RMST: variants seen among roughly 807,000 people sequenced by gnomAD.
The protein encoded by RMST is rhabdomyosarcoma 2 associated transcript.
chr12:97,465,934 T>C (rs1342936035), intron 5 of RMST, among the ~76,000 whole-genome samples: 1 of 152,200 alleles, frequency 6.6e-6, no homozygotes, highest in Non-Finnish European at 1.5e-5. Flanking sequence ...TGCAAGCAGG[T>C]GCTCCCTCTG....
intron 5 of RMST, among the ~76,000 whole-genome samples, chr12:97,469,176 G>A (rs1046661404): frequency 2.2e-5 from 3 of 138,378 alleles, no homozygotes; most frequent in East Asian, 2.1e-4. Flanking sequence ...GTGTGTGTGT[G>A]TGTGTATGTG....
intron 5 of RMST, among the ~76,000 whole-genome samples, chr12:97,467,189 A>C (rs1322527367): frequency 6.6e-6 from 1 of 152,028 alleles, no homozygotes; most frequent in African/African-American, 2.4e-5. Flanking sequence ...TTCTTTATTA[A>C]ATAGGTAAGT....
chr12:97,543,269 T>G (rs942635090), intron 11 of RMST, among the ~76,000 whole-genome samples: 1 of 152,040 alleles, frequency 6.6e-6, no homozygotes, highest in Non-Finnish European at 1.5e-5. Flanking sequence ...CCAAGCCTTT[T>G]TGTCAAAAAC....
At chr12:97,505,098 A>T (rs1878521090) in intron 10 of RMST, among the ~76,000 whole-genome samples, 1 of 152,146 alleles carries the variant, frequency 6.6e-6, no homozygotes, top group South Asian at 2.1e-4. Context: ...TCTCTCTGGG[A>T]TTTATACTTT....
At chr12:97,492,075 T>G in intron 5 of RMST, 1 of 457,968 alleles carries the variant, frequency 2.2e-6, no homozygotes, top group Non-Finnish European at 4.7e-6. Context: ...GTGGTTAAGA[T>G]GCCTGCCTTT....
chr12:97,557,490 G>C (rs1565939980), intron 11 of RMST, among the ~76,000 whole-genome samples: 1 of 152,118 alleles, frequency 6.6e-6, no homozygotes, highest in Non-Finnish European at 1.5e-5. Flanking sequence ...TGGAGACTTA[G>C]CTATACCTAT....
At chr12:97,472,812 T>G (rs901822221) in intron 5 of RMST, among the ~76,000 whole-genome samples, 8 of 152,170 alleles carry the variant, frequency 5.3e-5, no homozygotes, top group African/African-American at 1.9e-4. Flanking sequence ...CTAAAATGGT[T>G]TTGCTTTGAC....
intron 11 of RMST, among the ~76,000 whole-genome samples, chr12:97,543,959 T>C: frequency 6.6e-6 from 1 of 152,058 alleles, no homozygotes; most frequent in Non-Finnish European, 1.5e-5. Context: ...AGCCCAGTGG[T>C]GCAAAGATAA....
intron 10 of RMST, among the ~76,000 whole-genome samples, chr12:97,506,257 C>A (rs985732199): frequency 1.3e-5 from 2 of 152,036 alleles, no homozygotes; most frequent in Non-Finnish European, 2.9e-5. Flanking sequence ...AGCTCAAAAC[C>A]CTATTTCTTT....
chr12:97,542,518 T>C lies in RMST; in HGVS notation n.1545+11659T>C, dbSNP rs1053810579. Among the ~76,000 whole-genome samples, 59 of 151,892 alleles carry C rather than the reference T, an allele frequency of 3.9e-4. 2 individuals are homozygous for C. The highest frequency in any genetic ancestry group is 5.9e-5 in the Non-Finnish European group (4 of 67,900). On this transcript the variant is annotated intron_variant and non_coding_transcript_variant, in intron 11 of 13. Transcript: ENST00000640149. ...GTGGTGTCTAGATCTAGCCATGTCT[T>C]TGTTCAATATATGCAGCCTGATGAA...
intron 10 of RMST, among the ~76,000 whole-genome samples, chr12:97,529,695 G>A (rs546841887): frequency 1.2e-4 from 19 of 152,098 alleles, no homozygotes; most frequent in Admixed American, 4.6e-4. Context: ...CTCCTCCATT[G>A]GATGCTACGC....
At chr12:97,560,217 C>T (rs955393482) in intron 11 of RMST, among the ~76,000 whole-genome samples, 3 of 152,134 alleles carry the variant, frequency 2.0e-5, no homozygotes, top group African/African-American at 7.2e-5. Context: ...TAGTAGGGAA[C>T]AAAACACGTT....
At chr12:97,524,768 A>G (rs1427288012) in intron 10 of RMST, among the ~76,000 whole-genome samples, 2 of 152,202 alleles carry the variant, frequency 1.3e-5, no homozygotes, top group Non-Finnish European at 2.9e-5. Context: ...AAGACAGACT[A>G]TTTGTTTCAA....
chr12:97,484,249 T>C (rs925089186), intron 5 of RMST, among the ~76,000 whole-genome samples: 2 of 152,210 alleles, frequency 1.3e-5, no homozygotes, highest in African/African-American at 4.8e-5. Flanking sequence ...GAGCTATGCC[T>C]GCACATGCAC....
Position 97,528,735 on chromosome 12 carries a change from A to G in RMST, n.1341-1920A>G, listed in dbSNP as rs147279127. 4.4e-4 allele frequency among the ~76,000 whole-genome samples: 67 copies of G among 152,278 alleles called. 1 individual carries two copies. In the East Asian group the frequency reaches 0.013, roughly 29 times the overall value. ...TGAATTTTTGTATCATTTAATTTTA[A>G]AAGTAAGTGAGTGGGCTGAGGAGGA... On this transcript the variant is annotated intron_variant and non_coding_transcript_variant, in intron 10 of 13. Transcript: ENST00000640149.
chr12:97,480,089 C>CTTTTTTTT (rs369247317), intron 5 of RMST, among the ~76,000 whole-genome samples: 18 of 90,984 alleles, frequency 2.0e-4, no homozygotes, highest in African/African-American at 6.8e-4. Flanking sequence ...TTTCTTTTTT[C>CTTTTTTTT]TTTTTTTTTC....
chr12:97,506,498 G>T (rs946083175), intron 10 of RMST, among the ~76,000 whole-genome samples: 1 of 152,108 alleles, frequency 6.6e-6, no homozygotes, highest in African/African-American at 2.4e-5. Flanking sequence ...TAAATTATCT[G>T]TCTTTTAGGA....
intron 10 of RMST, among the ~76,000 whole-genome samples, chr12:97,510,684 A>G (rs1458044299): frequency 6.6e-6 from 1 of 152,196 alleles, no homozygotes; most frequent in African/African-American, 2.4e-5. Context: ...ATAGGGAGTT[A>G]CTTCTTGGTT....
chr12:97,487,440 GA>G (rs1446825665), intron 5 of RMST, among the ~76,000 whole-genome samples: 1 of 152,110 alleles, frequency 6.6e-6, no homozygotes. Flanking sequence ...GTCTTTAAAA[GA>G]GACCTAAACA....
Sources: allele counts gnomAD v4.1 joint callset (sites outside exome capture counted in the v4.1 genomes callset), GRCh38; gene constraint gnomAD v4.1.1; transcripts MANE v1.5; gene names NCBI Gene and HGNC (gene_info 2026-07-23, HGNC 2026-07-21).